UGDH: variants seen among roughly 807,000 people sequenced by gnomAD.
The protein encoded by UGDH is UDP-Glc dehydrogenase.
A neutral mutation model predicts 50.6 loss-of-function variants in UGDH; 38 were observed. The ratio of observed to expected loss-of-function variants is 0.75; its 90% confidence interval spans 0.58 to 0.98. The LOEUF is 0.98. Among genes scored for constraint, UGDH ranks in the 50% least tolerant of loss-of-function variants. The pLI, the probability that UGDH is intolerant of heterozygous loss-of-function variation, is 0.00. For synonymous variants in UGDH, 168 were observed against 199.9 expected (o/e 0.84, Z 1.35); for missense variants, 465 against 606.2 (o/e 0.77, Z 2.45).
intron 1 of UGDH, among the ~76,000 whole-genome samples, chr4:39,525,853 C>A (rs540540845): frequency 4.9e-4 from 74 of 152,344 alleles, no homozygotes; most frequent in Admixed American, 2.4e-3. Context: ...GCCCTCTATT[C>A]TGCTGTCAGA....
chr4:39,520,156 T>C (rs1746590379), intron 2 of UGDH, among the ~76,000 whole-genome samples: 2 of 152,106 alleles, frequency 1.3e-5, no homozygotes, highest in Non-Finnish European at 2.9e-5. Flanking sequence ...CTGGCCAACA[T>C]GGCGAAACCT....
chr4:39,521,333 G>A lies in UGDH; in HGVS notation c.162+18C>T, dbSNP rs1236470259. The stretch of plus-strand genomic sequence containing the variant: ...TAAGAAAAAAGCATAAAAACAAAGA[G>A]ATGTTTAATATGTTTACCTCATAAA... On this transcript the variant is annotated intron_variant, in intron 2 of 11. Coordinates refer to ENST00000316423, the MANE Select transcript of UGDH (RefSeq NM_003359.4). 7 of 1,581,580 alleles carry A rather than the reference G, an allele frequency of 4.4e-6. No homozygotes were observed. The highest frequency in any genetic ancestry group is 6.0e-6 in the Non-Finnish European group (7 of 1,164,622).
intron 3 of UGDH, among the ~76,000 whole-genome samples, chr4:39,511,150 G>A (rs1746229983): frequency 6.6e-6 from 1 of 152,090 alleles, no homozygotes; most frequent in Non-Finnish European, 1.5e-5. Context: ...ATAAATGAAT[G>A]AGACGGTTAT....
intron 9 of UGDH, 80 bp downstream of exon 9, chr4:39,505,157 A>G (rs1745976640): frequency 7.0e-7 from 1 of 1,429,580 alleles, no homozygotes; most frequent in African/African-American, 1.5e-5. Context: ...ACATGATAAA[A>G]CTGAACAACC....
At position 39,500,147 on chromosome 4, in the gene UGDH, A is replaced by G; in HGVS notation, c.1481T>C (p.Val494Ala). 6.4e-7 allele frequency: 1 copy of G among 1,552,536 alleles called. No homozygotes were observed. The highest frequency in any genetic ancestry group is 8.7e-7 in the Non-Finnish European group (1 of 1,144,390). Residue 494 changes from valine to alanine, a missense_variant, in exon 12 of 12, where the codon GTG becomes GCG. Coordinates refer to ENST00000316423, the MANE Select transcript of UGDH (RefSeq NM_003359.4). ...LQDPPNKKPK[V>A] ...CACAAATAAAAATGGCAATCTCTAC[A>G]CTTTAGGTTTCTTGTTAGGTGGATC...
intron 1 of UGDH, among the ~76,000 whole-genome samples, chr4:39,523,204 A>T (rs1239918104): frequency 1.3e-5 from 2 of 152,016 alleles, no homozygotes; most frequent in Admixed American, 1.3e-4. Context: ...GGTGCATGCC[A>T]CCACACCAGG....
Position 39,510,346 on chromosome 4 carries a change from T to C in UGDH, c.663+7A>G, listed in dbSNP as rs1160519590. On this transcript the variant is annotated splice_region_variant and intron_variant, in intron 5 of 11. Coordinates refer to ENST00000316423, the MANE Select transcript of UGDH (RefSeq NM_003359.4). ...ATTTAATGAAGAGTTGAATGCTATA[T>C]ACTAACCAGTTTGGAAAGCTCTGAA... 1 of 1,614,054 alleles carries C rather than the reference T, an allele frequency of 6.2e-7. No individual in the cohort carries two copies. The highest frequency in any genetic ancestry group is 8.5e-7 in the Non-Finnish European group (1 of 1,179,990).
intron 11 of UGDH, among the ~76,000 whole-genome samples, chr4:39,503,050 G>C (rs1045630062): frequency 6.6e-6 from 1 of 152,306 alleles, no homozygotes; most frequent in Middle Eastern, 3.4e-3. Context: ...CAAAGTAGCT[G>C]GGATTACAGG....
At position 39,500,102 on chromosome 4, in the gene UGDH, C is replaced by CAAAAAAAAAAA; in HGVS notation, c.*30_*40dup. The CAAAAAAAAAAA allele has an allele frequency of 9.4e-7, 1 of 1,069,496 alleles. No individual in the cohort carries two copies. Among genetic ancestry groups the CAAAAAAAAAAA allele is most frequent in the Non-Finnish European group, 1.3e-6 (1 of 757,250 alleles). 66.3% of individuals were successfully genotyped at this position (1,069,496 alleles called of 1,614,324 possible). On this transcript the variant is annotated 3_prime_UTR_variant, in exon 12 of 12. Coordinates refer to ENST00000316423, the MANE Select transcript of UGDH (RefSeq NM_003359.4). Reference sequence around the variant, plus strand: ...ATAGATATTTGCTATCCTGAAGTACCAAAAAAAAAAAAAAAAAATCACAAA... The same window carrying CAAAAAAAAAAA: ...ATAGATATTTGCTATCCTGAAGTACCAAAAAAAAAAAAAAAAAAAAAAAAAAAAATCACAAA...
At chr4:39,524,239 T>G (rs1363738266) in intron 1 of UGDH, among the ~76,000 whole-genome samples, 1 of 152,162 alleles carries the variant, frequency 6.6e-6, no homozygotes, top group Admixed American at 6.6e-5. Flanking sequence ...TTATTAAATG[T>G]AGAATCAGTG....
At chr4:39,526,262 T>C (rs1228787380) in intron 1 of UGDH, 4 of 152,224 alleles carry the variant, frequency 2.6e-5, no homozygotes, top group African/African-American at 9.6e-5. Flanking sequence ...CATGTAAAGC[T>C]GTGGAAGTAA....
intron 9 of UGDH, 128 bp from the exon 10 acceptor site, chr4:39,504,636 C>T (rs1439194592): frequency 4.9e-6 from 4 of 817,422 alleles, no homozygotes; most frequent in Non-Finnish European, 7.9e-6. Context: ...GTGGAGAGTA[C>T]TGAACCCTAT....
intron 2 of UGDH, 73 bp downstream of exon 2, chr4:39,521,278 T>C (rs1746649981): frequency 7.4e-7 from 1 of 1,346,242 alleles, no homozygotes; most frequent in African/African-American, 1.5e-5. Context: ...TTTATATTAA[T>C]AGTGCATATA....
At chr4:39,519,792 G>A (rs982206859) in intron 2 of UGDH, among the ~76,000 whole-genome samples, 2 of 151,992 alleles carry the variant, frequency 1.3e-5, no homozygotes, top group Non-Finnish European at 2.9e-5. Flanking sequence ...CGCCTGCCTT[G>A]GTCTTCCAAA....
At position 39,511,891 on chromosome 4, in the gene UGDH, C is replaced by T. The variant is rs188606805; in HGVS notation, c.265-1030G>A. On this transcript the variant is annotated intron_variant, in intron 3 of 11. Coordinates refer to ENST00000316423, the MANE Select transcript of UGDH (RefSeq NM_003359.4). ...CCCGCCTAATTTTTGTATTTTTAGACGGGGTTTCACCATGTTGGCCAGGGT... is the reference window on the plus strand; with the variant it reads ...CCCGCCTAATTTTTGTATTTTTAGATGGGGTTTCACCATGTTGGCCAGGGT... Among the ~76,000 whole-genome samples, 27 of 151,574 alleles carry T rather than the reference C, an allele frequency of 1.8e-4. 1 individual carries two copies. Among genetic ancestry groups the T allele is most frequent in the East Asian group, 5.9e-4 (3 of 5,114 alleles).
At chr4:39,504,371 T>C (rs1353538184) in intron 10 of UGDH, 46 bp downstream of exon 10, 3 of 1,565,294 alleles carry the variant, frequency 1.9e-6, no homozygotes, top group Admixed American at 1.7e-5. Context: ...CAGCTGATAG[T>C]GGAACACCTC....
chr4:39,519,140 C>T (rs1411599462), intron 2 of UGDH, among the ~76,000 whole-genome samples: 4 of 151,878 alleles, frequency 2.6e-5, no homozygotes, highest in Admixed American at 6.6e-5. Context: ...TGGTTTCGAA[C>T]TCATGACCTG....
intron 11 of UGDH, among the ~76,000 whole-genome samples, chr4:39,500,781 A>G (rs1745774253): frequency 6.8e-6 from 1 of 145,988 alleles, no homozygotes; most frequent in Non-Finnish European, 1.5e-5. Flanking sequence ...CTGCCTTCTG[A>G]GTAGCTGGGA....
intron 3 of UGDH, among the ~76,000 whole-genome samples, chr4:39,512,091 G>C (rs1035513982): frequency 6.6e-6 from 1 of 151,868 alleles, no homozygotes; most frequent in African/African-American, 2.4e-5. Context: ...TGTAACCTTG[G>C]AGAAGTGTGG....
Sources: allele counts gnomAD v4.1 joint callset (sites outside exome capture counted in the v4.1 genomes callset), GRCh38; gene constraint gnomAD v4.1.1; transcripts MANE v1.5; gene names NCBI Gene and HGNC (gene_info 2026-07-23, HGNC 2026-07-21).